Variants in JMJD1C observed in about 807,000 individuals in gnomAD.
The protein encoded by JMJD1C is jumonji domain containing 1C.
Under a neutral mutation model 245.3 loss-of-function variants are expected in JMJD1C, and 31 were observed. That is an observed-to-expected ratio of 0.13 (90% confidence interval 0.09 to 0.17). The LOEUF is 0.17. Among genes scored for constraint, JMJD1C ranks in the 10% least tolerant of loss-of-function variants. JMJD1C has a pLI of 1.00. For synonymous variants in JMJD1C, 1,057 were observed against 1,017.4 expected, an observed-to-expected ratio of 1.04 and a Z score of -0.74; for missense variants, 2,691 against 3,000.2, an observed-to-expected ratio of 0.90 and a Z score of 2.41.
intron 5 of JMJD1C, among the ~76,000 whole-genome samples, chr10:63,215,936 A>C (rs1376383494): frequency 6.6e-6 from 1 of 152,240 alleles, no homozygotes; most frequent in Non-Finnish European, 1.5e-5. Flanking sequence ...CTGCAAGTAC[A>C]TCTTGAAAAA....
At chr10:63,301,150 G>C (rs1448388385) in intron 2 of JMJD1C, among the ~76,000 whole-genome samples, 1 of 152,106 alleles carries the variant, frequency 6.6e-6, no homozygotes. Context: ...CCAGTAGCTG[G>C]GACTATAGGC....
chr10:63,313,008 C>A (rs756559209), intron 2 of JMJD1C, among the ~76,000 whole-genome samples: 1 of 151,948 alleles, frequency 6.6e-6, no homozygotes, highest in East Asian at 1.9e-4. Context: ...TGAGTAAGTT[C>A]TTTAGCGGTG....
At chr10:63,338,561 A>T (rs899690444) in intron 2 of JMJD1C, among the ~76,000 whole-genome samples, 3 of 152,070 alleles carry the variant, frequency 2.0e-5, no homozygotes, top group Admixed American at 6.6e-5. Context: ...AAGGAAGCTT[A>T]AGGGCTGACT....
At chr10:63,415,088 ACT>A (rs1294024168) in intron 1 of JMJD1C, among the ~76,000 whole-genome samples, 5 of 152,084 alleles carry the variant, frequency 3.3e-5, no homozygotes, top group African/African-American at 1.2e-4. Context: ...AACTCCACTG[ACT>A]CTGGAAGTGA....
Position 63,206,845 on chromosome 10 carries a change from T to C in JMJD1C, c.4824A>G (p.Val1608=). Residue 1608 remains valine, a synonymous_variant, in exon 10 of 26, where the codon GTA becomes GTG. Transcript: ENST00000399262. The stretch of plus-strand genomic sequence containing the variant: ...TTCTCCTGTTGACTTTATCATCTTT[T>C]ACATATTTATCAACTATGATCTTAC... ...VDSKIIVDKY[V]KDDKVNRRKA... is the part of the protein sequence containing the mutation. 6.2e-7 allele frequency: 1 copy of C among 1,601,556 alleles called. No individual in the cohort carries two copies. The highest frequency in any genetic ancestry group is 1.1e-5 in the South Asian group (1 of 87,482).
chr10:63,267,344 AG>A (rs1855710254), intron 2 of JMJD1C, among the ~76,000 whole-genome samples: 2 of 152,310 alleles, frequency 1.3e-5, no homozygotes, highest in South Asian at 4.1e-4. Context: ...AACCATGTTA[AG>A]TATTGCTAAT....
rs761853930 is a variant in JMJD1C at position 63,465,676 on chromosome 10, G to T, written c.-14C>A. 1.9e-6 allele frequency: 3 copies of T among 1,606,598 alleles called. No homozygotes were observed. The highest frequency in any genetic ancestry group is 2.7e-5 in the African/African-American group (2 of 74,914). ...CTCTACCGCCATAGCTGTCGCTGCC[G>T]AAGCGGCCGCTGCCTCCTCCAGTGC... On this transcript the variant is annotated 5_prime_UTR_variant, in exon 1 of 26. Coordinates refer to ENST00000399262, the MANE Select transcript of JMJD1C (RefSeq NM_032776.3).
intron 1 of JMJD1C, among the ~76,000 whole-genome samples, chr10:63,394,101 C>T (rs559751498): frequency 1.3e-5 from 2 of 151,188 alleles, no homozygotes; most frequent in Admixed American, 6.6e-5. Flanking sequence ...GAAGGACAAT[C>T]GCTTGAATCC....
intron 2 of JMJD1C, among the ~76,000 whole-genome samples, chr10:63,267,328 C>T (rs1018446460): frequency 6.6e-6 from 1 of 151,748 alleles, no homozygotes; most frequent in Non-Finnish European, 1.5e-5. Flanking sequence ...TTTTAACTGG[C>T]AAAACAACCA....
chr10:63,425,460 C>CAT (rs35654741), intron 1 of JMJD1C, among the ~76,000 whole-genome samples: 21,002 of 152,064 alleles, frequency 0.14, 2,081 homozygotes, highest in East Asian at 0.29. Flanking sequence ...GTCCAAACTG[C>CAT]ATATCACATG....
intron 1 of JMJD1C, among the ~76,000 whole-genome samples, chr10:63,442,284 A>C (rs1839260327): frequency 6.6e-6 from 1 of 152,208 alleles, no homozygotes; most frequent in African/African-American, 2.4e-5. Context: ...TCAATTTGAA[A>C]TCAGTTATTC....
At position 63,248,980 on chromosome 10, in the gene JMJD1C, GACAAATGATC is replaced by G. The variant is rs143227236; in HGVS notation, c.447+15661_447+15670del. Reference sequence around the variant, plus strand: ...AAATGAAATAAGCGAAGGACAGGAAGACAAATGATCACATGTTGTCACTGATATGTGGGAG... The same window carrying G: ...AAATGAAATAAGCGAAGGACAGGAAGACATGTTGTCACTGATATGTGGGAG... On this transcript the variant is annotated intron_variant, in intron 3 of 25. Transcript: ENST00000399262. 9.9e-3 allele frequency among the ~76,000 whole-genome samples: 1,514 copies of G among 152,358 alleles called. 11 individuals carry two copies. The highest frequency in any genetic ancestry group is 0.031 in the Middle Eastern group (9 of 294).
chr10:63,344,592 C>G (rs534035887), intron 2 of JMJD1C, among the ~76,000 whole-genome samples: 9 of 152,208 alleles, frequency 5.9e-5, no homozygotes, highest in African/African-American at 1.9e-4. Flanking sequence ...AAAACATAAA[C>G]TTCATGATAA....
chr10:63,519,803 G>T (rs769803475), intron 1 of JMJD1C, among the ~76,000 whole-genome samples: 1 of 152,164 alleles, frequency 6.6e-6, no homozygotes, highest in East Asian at 1.9e-4. Context: ...TAGGGAACGG[G>T]TACATTAGGA....
chr10:63,306,711 A>G (rs1406130093), intron 2 of JMJD1C, among the ~76,000 whole-genome samples: 2 of 152,236 alleles, frequency 1.3e-5, no homozygotes, highest in Non-Finnish European at 2.9e-5. Context: ...TAGGAAAAAT[A>G]TAAAAATGTT....
intron 1 of JMJD1C, among the ~76,000 whole-genome samples, chr10:63,484,617 G>A (rs1341692477): frequency 6.6e-6 from 1 of 151,346 alleles, no homozygotes. Context: ...TAAAAGCAGT[G>A]ACAACCCTAC....
intron 3 of JMJD1C, among the ~76,000 whole-genome samples, chr10:63,232,965 G>C (rs1850198919): frequency 6.6e-6 from 1 of 151,894 alleles, no homozygotes; most frequent in South Asian, 2.1e-4. Flanking sequence ...ACAATTCTTG[G>C]GAACTCAAAT....
At chr10:63,333,722 T>C (rs945293377) in intron 2 of JMJD1C, among the ~76,000 whole-genome samples, 2 of 152,162 alleles carry the variant, frequency 1.3e-5, no homozygotes, top group African/African-American at 4.8e-5. Context: ...ATTGCCCACA[T>C]AATTATTCTT....
intron 1 of JMJD1C, among the ~76,000 whole-genome samples, chr10:63,512,565 AT>A (rs1303276344): frequency 6.6e-6 from 1 of 152,154 alleles, no homozygotes. Context: ...TGTAATTTTT[AT>A]CTTAGTTTCT....
Sources: allele counts gnomAD v4.1 joint callset (sites outside exome capture counted in the v4.1 genomes callset), GRCh38; gene constraint gnomAD v4.1.1; transcripts MANE v1.5; gene names NCBI Gene and HGNC (gene_info 2026-07-23, HGNC 2026-07-21).